The following FGD5 variants were observed in gnomAD, a reference collection of about 807,000 sequenced individuals.
FGD5 encodes FYVE, RhoGEF and PH domain containing 5, also known as FYVE, RhoGEF and PH domain-containing protein 5.
A neutral mutation model predicts 133.4 loss-of-function variants in FGD5; 28 were observed. The observed-to-expected ratio is 0.21, with a 90% CI of 0.16 to 0.29. The LOEUF is 0.29. FGD5 is among the 10% of genes least tolerant of loss of function. The pLI is 1.00. For synonymous variants in FGD5, 810 were observed against 776.5 expected (o/e 1.04, Z -0.72); for missense variants, 1,858 against 1,895.2 (o/e 0.98, Z 0.36).
rs890835014 is a variant in FGD5 at position 14,933,302 on chromosome 3, C to A, written c.*135C>A. The A allele has an allele frequency of 4.6e-6, 4 of 872,364 alleles. No homozygotes were observed. The African/African-American group carries it at 6.6e-5, about 14-fold the overall frequency. 54.0% of individuals were successfully genotyped at this position (872,364 alleles called of 1,614,324 possible). The stretch of plus-strand genomic sequence containing the variant: ...GAGGCCTGACCTTTTTTGCTATAAC[C>A]GCCCCACCACTCCCCTGCCCTTGCC... On this transcript the variant is annotated 3_prime_UTR_variant, in exon 20 of 20. Transcript: ENST00000285046.
chr3:14,898,165 C>A lies in FGD5; in HGVS notation c.3066+70C>A, dbSNP rs912604133. The A allele has an allele frequency of 5.0e-5, 80 of 1,586,502 alleles. No homozygotes were observed. In the Middle Eastern group the frequency reaches 1.0e-3, roughly 20 times the overall value. ...GTTGAGGTGGGCGAAGGGCTTAATG[C>A]AAATCAGTGGGACATCTTGGTAGGT... On this transcript the variant is annotated intron_variant, in intron 6 of 19. Coordinates refer to ENST00000285046, the MANE Select transcript of FGD5 (RefSeq NM_152536.4).
At chr3:14,927,663 T>C (rs1478190253) in intron 18 of FGD5, among the ~76,000 whole-genome samples, 1 of 152,166 alleles carries the variant, frequency 6.6e-6, no homozygotes, top group Non-Finnish European at 1.5e-5. Flanking sequence ...ACCCCTATCA[T>C]GTACCCTGAG....
At chr3:14,914,293 T>C (rs912170525) in intron 11 of FGD5, among the ~76,000 whole-genome samples, 2 of 152,200 alleles carry the variant, frequency 1.3e-5, no homozygotes, top group African/African-American at 4.8e-5. Context: ...GCAGTGTTGT[T>C]AGACTGCGGA....
intron 13 of FGD5, among the ~76,000 whole-genome samples, chr3:14,920,854 C>G (rs2038665851): frequency 6.6e-6 from 1 of 152,188 alleles, no homozygotes; most frequent in Non-Finnish European, 1.5e-5. Context: ...TTACAGTCTA[C>G]TGCATGAGGG....
At chr3:14,918,664 G>T (rs1235086794) in intron 12 of FGD5, 90 bp from the exon 13 acceptor site, 2 of 1,315,156 alleles carry the variant, frequency 1.5e-6, no homozygotes, top group East Asian at 4.6e-5. Flanking sequence ...AGGTGGACAT[G>T]GTCCCTCTGT....
chr3:14,917,428 C>A lies in FGD5; in HGVS notation c.3489+96C>A. The stretch of plus-strand genomic sequence containing the variant: ...CTGCTCCCAGGAGCACCCAGACCAG[C>A]TGGAAGAGGGAGGCCCTGCGGAAAC... On this transcript the variant is annotated intron_variant, in intron 12 of 19. Transcript: ENST00000285046. The surrounding 1 kb of genome is among the most constrained non-coding windows in gnomAD (Gnocchi z 4.1). 4 of 1,140,844 alleles carry A rather than the reference C, an allele frequency of 3.5e-6. No homozygotes were observed. The highest frequency in any genetic ancestry group is 4.4e-5 in the Admixed American group (2 of 45,520). The allele number at this position is 1,140,844 out of a possible 1,614,324, so 70.7% of individuals were successfully genotyped here.
chr3:14,853,636 C>CTTTTTTTTTTTTTTTT lies in FGD5; in HGVS notation c.2526-10476_2526-10461dup, dbSNP rs34008934. Among the ~76,000 whole-genome samples, 108 of 37,132 alleles carry CTTTTTTTTTTTTTTTT rather than the reference C, an allele frequency of 2.9e-3. 6 individuals are homozygous for CTTTTTTTTTTTTTTTT. Among genetic ancestry groups the CTTTTTTTTTTTTTTTT allele is most frequent in the East Asian group, 5.1e-3 (4 of 784 alleles). The allele number at this position is 37,132 out of a possible 152,430, so 24.4% of individuals were successfully genotyped here. On this transcript the variant is annotated intron_variant, in intron 1 of 19. Transcript: ENST00000285046. ...GAGATTCCCAGGGGGAAAAGCGTTC[C>CTTTTTTTTTTTTTTTT]TTTTTTTTTTTTTTTTTTTTTTTTT...
At chr3:14,848,195 C>T (rs1036021398) in intron 1 of FGD5, among the ~76,000 whole-genome samples, 2 of 152,176 alleles carry the variant, frequency 1.3e-5, no homozygotes, top group Non-Finnish European at 1.5e-5. Flanking sequence ...TGCCTCTCTT[C>T]TCACCCTTTG....
At chr3:14,925,692 C>T (rs2038789466) in intron 17 of FGD5, among the ~76,000 whole-genome samples, 1 of 152,110 alleles carries the variant, frequency 6.6e-6, no homozygotes, top group Non-Finnish European at 1.5e-5. Flanking sequence ...AAAGAGGATC[C>T]CTCCCTAAAT....
At chr3:14,874,529 G>T (rs1463410488) in intron 2 of FGD5, among the ~76,000 whole-genome samples, 1 of 152,166 alleles carries the variant, frequency 6.6e-6, no homozygotes, top group East Asian at 1.9e-4. Context: ...ACAGAAGCAA[G>T]GAGTAGAATA....
chr3:14,920,314 C>G (rs2038649552), intron 13 of FGD5: 1 of 152,090 alleles, frequency 6.6e-6, no homozygotes, highest in Non-Finnish European at 1.5e-5. Context: ...GAAATGGGAT[C>G]TAAATGCACT....
At chr3:14,867,460 T>G (rs1338214680) in intron 2 of FGD5, among the ~76,000 whole-genome samples, 3 of 152,188 alleles carry the variant, frequency 2.0e-5, no homozygotes, top group Admixed American at 6.5e-5. Flanking sequence ...ACATACCTCC[T>G]TATGCACATA....
At chr3:14,829,326 G>T (rs1233029380) in intron 1 of FGD5, among the ~76,000 whole-genome samples, 1 of 152,148 alleles carries the variant, frequency 6.6e-6, no homozygotes, top group African/African-American at 2.4e-5. Flanking sequence ...TTCAGCAGGG[G>T]AACGCCGTCG....
chr3:14,915,085 G>T (rs2125148534), intron 11 of FGD5, among the ~76,000 whole-genome samples: 1 of 152,356 alleles, frequency 6.6e-6, no homozygotes, highest in African/African-American at 2.4e-5. Context: ...AGAGTTGAGG[G>T]CTGGAGGCGG....
At chr3:14,882,993 C>G (rs1449279024) in intron 4 of FGD5, among the ~76,000 whole-genome samples, 1 of 152,180 alleles carries the variant, frequency 6.6e-6, no homozygotes, top group Non-Finnish European at 1.5e-5. Flanking sequence ...TGAGGAGGAG[C>G]TGACGGTGTC....
chr3:14,860,269 GT>G (rs1462242198), intron 1 of FGD5, among the ~76,000 whole-genome samples: 1 of 152,206 alleles, frequency 6.6e-6, no homozygotes, highest in Admixed American at 6.5e-5. Context: ...AATGAGTCTG[GT>G]TTGTCCACTC....
At chr3:14,903,321 G>T (rs1346368221) in intron 9 of FGD5, among the ~76,000 whole-genome samples, 1 of 152,118 alleles carries the variant, frequency 6.6e-6, no homozygotes, top group Admixed American at 6.5e-5. Context: ...GTCCCCATGT[G>T]TCCCCCACAC....
At position 14,822,272 on chromosome 3, in the gene FGD5, G is replaced by A. The variant is rs139394692; in HGVS notation, c.2525+676G>A. On this transcript the variant is annotated intron_variant, in intron 1 of 19. Transcript: ENST00000285046. ...GTAGATGGCTTTGCTACTCGCCTCT[G>A]AGACAGTCACCAAGACAGAAGGTTC... Among the ~76,000 whole-genome samples, 235 of 152,274 alleles carry A rather than the reference G, an allele frequency of 1.5e-3. 1 individual carries two copies. The highest frequency in any genetic ancestry group is 2.5e-3 in the Non-Finnish European group (170 of 68,030).
intron 9 of FGD5, 50 bp from the exon 10 acceptor site, chr3:14,907,590 G>A (rs775295735): frequency 1.3e-5 from 20 of 1,554,544 alleles, no homozygotes; most frequent in Non-Finnish European, 1.5e-5. Flanking sequence ...GAGATAAGAC[G>A]CCTGGTAGGG....
Sources: allele counts gnomAD v4.1 joint callset (sites outside exome capture counted in the v4.1 genomes callset), GRCh38; gene constraint gnomAD v4.1.1; non-coding constraint Gnocchi (gnomAD v3.1); transcripts MANE v1.5; gene names NCBI Gene and HGNC (gene_info 2026-07-23, HGNC 2026-07-21).